COL17A1: variants seen among roughly 807,000 people sequenced by gnomAD.
COL17A1 encodes the protein collagen alpha-1(XVII) chain.
A neutral mutation model predicts 218.4 loss-of-function variants in COL17A1; 181 were observed. The observed-to-expected ratio is 0.83, with a 90% CI of 0.73 to 0.94. The LOEUF is 0.94. Ranked by LOEUF, COL17A1 falls within the 40% of genes least tolerant of loss-of-function variation. The pLI is 0.00. For synonymous variants in COL17A1, 721 were observed against 731.0 expected, an observed-to-expected ratio of 0.99 and a Z score of 0.22; for missense variants, 1,924 against 1,945.9, an observed-to-expected ratio of 0.99 and a Z score of 0.21.
intron 3 of COL17A1, among the ~76,000 whole-genome samples, chr10:104,078,020 C>A (rs1338043460): frequency 6.6e-6 from 1 of 152,096 alleles, no homozygotes; most frequent in Admixed American, 6.5e-5. Context: ...GGTGGGTGGG[C>A]TCTCCCCATC....
In COL17A1 at chr10:104,071,904, G is replaced by A. The variant is rs955847590; in HGVS notation, c.463+128C>T. On this transcript the variant is annotated intron_variant, in intron 8 of 55. Coordinates refer to ENST00000648076, the MANE Select transcript of COL17A1 (RefSeq NM_000494.4). ...CAGAAGACCCTTAAAGATGTTTTATGATTGCATGCATGTACATACATGTGT... is the reference window on the plus strand; with the variant it reads ...CAGAAGACCCTTAAAGATGTTTTATAATTGCATGCATGTACATACATGTGT... 16 of 1,450,014 alleles carry A rather than the reference G, an allele frequency of 1.1e-5. No homozygotes were observed. In the African/African-American group the frequency reaches 2.0e-4, roughly 18 times the overall value. 89.8% of individuals were successfully genotyped at this position (1,450,014 alleles called of 1,614,324 possible). A position where few individuals can be genotyped will look rare whatever the true frequency, so the allele number is the denominator to read the frequency against.
intron 9 of COL17A1, among the ~76,000 whole-genome samples, chr10:104,066,543 A>C (rs762651248): frequency 2.0e-5 from 3 of 152,208 alleles, no homozygotes; most frequent in Non-Finnish European, 2.9e-5. Context: ...TTGTTAAATT[A>C]GTGAATTAAC....
intron 4 of COL17A1, 107 bp from the exon 5 acceptor site, chr10:104,076,536 G>A (rs2086712420): frequency 1.7e-5 from 25 of 1,502,046 alleles, no homozygotes; most frequent in Middle Eastern, 2.3e-4. Context: ...GAGGGTCTTC[G>A]GGAGGGCACA....
At chr10:104,066,196 T>C (rs2086624674) in intron 9 of COL17A1, among the ~76,000 whole-genome samples, 1 of 152,166 alleles carries the variant, frequency 6.6e-6, no homozygotes, top group African/African-American at 2.4e-5. Flanking sequence ...TTGCAATGCA[T>C]TGTGGGCTGC....
At chr10:104,077,401 C>T (rs1314844268) in intron 4 of COL17A1, 21 bp downstream of exon 4, 3 of 1,593,206 alleles carry the variant, frequency 1.9e-6, no homozygotes, top group Non-Finnish European at 1.7e-6. Context: ...TCCCTGACCT[C>T]TTGCACTAGT....
rs1031717056 is a variant in COL17A1 at position 104,032,745 on chromosome 10, C to G, written c.4367G>C (p.Gly1456Ala). 1.2e-6 allele frequency: 2 copies of G among 1,614,052 alleles called. No homozygotes were observed. Among genetic ancestry groups the G allele is most frequent in the African/African-American group, 2.7e-5 (2 of 74,932 alleles). Residue 1456 changes from glycine (G) to alanine (A), a missense_variant, in exon 55 of 56, where the codon GGC becomes GCC. By Grantham distance (60) the Gly-to-Ala change is moderately conservative. Transcript: ENST00000648076. ...AGGATGACCTGGTGGCCCAGCAGGG[C>G]CCCTGTCACCTGGAAGGAAAAATGG... ...MGTPGPKGDR[G>A]PAGPPGHPGP...
chr10:104,070,602 T>A lies in COL17A1; in HGVS notation c.464-33A>T, dbSNP rs79178779. On this transcript the variant is annotated intron_variant, in intron 8 of 55. Coordinates refer to ENST00000648076, the MANE Select transcript of COL17A1 (RefSeq NM_000494.4). Reference sequence around the variant, plus strand: ...AGAATCCACAGACGTTTCTGTTAAGTCCAGAGTTCTTTCCTGAGTCCCTGT... The same window carrying A: ...AGAATCCACAGACGTTTCTGTTAAGACCAGAGTTCTTTCCTGAGTCCCTGT... 1,590 of 1,614,094 alleles carry A rather than the reference T, an allele frequency of 9.9e-4. 26 individuals are homozygous for A. In the East Asian group the frequency reaches 0.033, roughly 33 times the overall value.
At chr10:104,071,831 G>A (rs902978673) in intron 8 of COL17A1, among the ~76,000 whole-genome samples, 1 of 152,082 alleles carries the variant, frequency 6.6e-6, no homozygotes, top group Non-Finnish European at 1.5e-5. Flanking sequence ...AGGAACCACG[G>A]TTTACTCAGC....
chr10:104,082,280 A>T (rs1213491319), intron 1 of COL17A1, among the ~76,000 whole-genome samples: 1 of 152,218 alleles, frequency 6.6e-6, no homozygotes, highest in Non-Finnish European at 1.5e-5. Flanking sequence ...CATTACAAGG[A>T]CAAATCTGAC....
At position 104,050,626 on chromosome 10, in the gene COL17A1, G is replaced by A. The variant is rs1421786209; in HGVS notation, c.2123C>T (p.Pro708Leu). The A allele has an allele frequency of 1.9e-6, 3 of 1,613,340 alleles. No individual in the cohort carries two copies. The highest frequency in any genetic ancestry group is 1.9e-4 in the Middle Eastern group (1 of 5,376). The change falls in exon 27 of 56, where the codon CCC becomes CTC. Residue 708 changes from proline (P) to leucine (L), a missense_variant. Pro to Leu is a moderately conservative substitution (Grantham distance 98). Coordinates refer to ENST00000648076, the MANE Select transcript of COL17A1 (RefSeq NM_000494.4). ...AGCAGCAGTGAGTGGCATACCTTTG[G>A]GTCCTGGTGGTCCCATTGGTCCTTT... Reference protein sequence around the residue: ...GDKGPMGPPGPKGDQGEKGPR... With the variant: ...GDKGPMGPPGLKGDQGEKGPR...
intron 6 of COL17A1, among the ~76,000 whole-genome samples, chr10:104,073,469 A>ATGAATGTTAAGTTAGCTAACATTT (rs1487621967): frequency 7.2e-5 from 11 of 152,294 alleles, no homozygotes; most frequent in Non-Finnish European, 1.5e-4. Context: ...AATTAGCTAA[A>ATGAATGTTAAGTTAGCTAACATTT]TGAATGTTAA....
chr10:104,054,070 G>A (rs568004472), intron 21 of COL17A1, 22 bp downstream of exon 21: 3 of 1,613,200 alleles, frequency 1.9e-6, no homozygotes, highest in Non-Finnish European at 2.5e-6. Context: ...GGCAGGCCTG[G>A]AGGTCATCAG....
In COL17A1 at chr10:104,038,456, A is replaced by T; in HGVS notation, c.3020T>A (p.Ile1007Asn). ...PPGPPGPPGSISSSGQEIQQY... is the reference protein window; with the variant it reads ...PPGPPGPPGSNSSSGQEIQQY... ...CTGAATCTCCTGGCCAGAGCTGCTG[A>T]TAGAGCCCGGAGGCCCAGGGGGCCC... The change falls in exon 45 of 56, where the codon ATC becomes AAC. Residue 1007 changes from isoleucine to asparagine, a missense_variant. By Grantham distance (149) the Ile-to-Asn change is moderately radical. Transcript: ENST00000648076. The T allele has an allele frequency of 1.9e-6, 3 of 1,613,974 alleles. No individual in the cohort carries two copies. In the East Asian group the frequency reaches 6.7e-5, roughly 36 times the overall value.
In COL17A1 at chr10:104,080,619, T is replaced by C. The variant is rs113981814; in HGVS notation, c.52+3A>G. 1 of 1,612,694 alleles carries C rather than the reference T, an allele frequency of 6.2e-7. No individual in the cohort carries two copies. The highest frequency in any genetic ancestry group is 8.5e-7 in the Non-Finnish European group (1 of 1,179,938). Reference sequence around the variant, plus strand: ...ATAAATTAAAAAATTCTGATGCTCTTACTTCTCTCAGTGACTTCAGTTCCA... The same window carrying C: ...ATAAATTAAAAAATTCTGATGCTCTCACTTCTCTCAGTGACTTCAGTTCCA... On this transcript the variant is annotated splice_donor_region_variant and intron_variant, in intron 2 of 55. Transcript: ENST00000648076.
At chr10:104,084,896 T>G (rs1319545604) in intron 1 of COL17A1, among the ~76,000 whole-genome samples, 1 of 152,222 alleles carries the variant, frequency 6.6e-6, no homozygotes, top group African/African-American at 2.4e-5. Context: ...ATTAGACTAC[T>G]GATTAACTAC....
At chr10:104,064,990 C>A (rs1015694680) in intron 9 of COL17A1, among the ~76,000 whole-genome samples, 8 of 152,216 alleles carry the variant, frequency 5.3e-5, no homozygotes, top group African/African-American at 1.7e-4. Flanking sequence ...ACAAATGAGA[C>A]CCCGAAGAGA....
intron 53 of COL17A1, 65 bp downstream of exon 53, chr10:104,033,173 T>C: frequency 6.4e-7 from 1 of 1,556,462 alleles, no homozygotes. Flanking sequence ...CTGGTGTCTC[T>C]GGAGCAGACC....
chr10:104,034,951 G>A (rs2086260771), intron 50 of COL17A1, among the ~76,000 whole-genome samples, 184 bp from the exon 51 acceptor site: 1 of 152,180 alleles, frequency 6.6e-6, no homozygotes, highest in Non-Finnish European at 1.5e-5. Context: ...ATCCAGGAAT[G>A]GCTGTTCCCG....
chr10:104,047,939 C>G, intron 30 of COL17A1, 129 bp from the exon 31 acceptor site: 1 of 1,375,104 alleles, frequency 7.3e-7, no homozygotes, highest in Non-Finnish European at 1.0e-6. Context: ...AGAAGGGGAA[C>G]AGAACTGGAC....
Sources: gnomAD v4.1 joint callset for allele counts (sites outside exome capture counted in the v4.1 genomes callset) on GRCh38, gnomAD v4.1.1 for gene constraint, MANE v1.5 for transcripts, NCBI Gene and HGNC (gene_info 2026-07-23, HGNC 2026-07-21) for gene names.